Variants in GNPTAB observed in about 807,000 individuals in gnomAD.
GNPTAB encodes the protein N-acetylglucosamine-1-phosphate transferase subunits alpha and beta.
Under a neutral mutation model 136.6 loss-of-function variants are expected in GNPTAB, and 92 were observed. The observed-to-expected ratio is 0.67, with a 90% CI of 0.57 to 0.80. GNPTAB has a LOEUF of 0.80. Ranked by LOEUF, GNPTAB falls within the 30% of genes least tolerant of loss-of-function variation. GNPTAB has a pLI of 0.00. For synonymous variants in GNPTAB, 512 were observed against 535.1 expected, an observed-to-expected ratio of 0.96 and a Z score of 0.60; for missense variants, 1,343 against 1,501.8, an observed-to-expected ratio of 0.89 and a Z score of 1.75.
intron 17 of GNPTAB, 119 bp from the exon 18 acceptor site, chr12:101,757,429 A>C: frequency 1.3e-6 from 1 of 766,500 alleles, no homozygotes; most frequent in Admixed American, 2.3e-5. Flanking sequence ...AAATAACTTA[A>C]ACTTTTAATA....
At chr12:101,775,683 C>T (rs1208717513) in intron 7 of GNPTAB, among the ~76,000 whole-genome samples, 1 of 151,736 alleles carries the variant, frequency 6.6e-6, no homozygotes, top group African/African-American at 2.4e-5. Flanking sequence ...CTTAATACGT[C>T]CTGGTGGTTT....
intron 20 of GNPTAB, among the ~76,000 whole-genome samples, chr12:101,748,380 G>A (rs1054945875): frequency 6.6e-6 from 1 of 152,104 alleles, no homozygotes; most frequent in African/African-American, 2.4e-5. Context: ...ATTGGAGGCA[G>A]AGGCCAAGTC....
Position 101,788,514 on chromosome 12 carries a change from C to A in GNPTAB, c.365+34G>T, listed in dbSNP as rs781057572. ...TCTGAAATTTCACTTCAATCCTTCA[C>A]TTTTTACTCTTGAGAGGAAATCAAA... On this transcript the variant is annotated intron_variant, in intron 4 of 20. Transcript: ENST00000299314. 3.1e-6 allele frequency: 4 copies of A among 1,287,980 alleles called. No individual in the cohort carries two copies. The East Asian group carries it at 6.9e-5, about 22-fold the overall frequency. 79.8% of individuals were successfully genotyped at this position (1,287,980 alleles called of 1,614,324 possible). A position where few individuals can be genotyped will look rare whatever the true frequency, so the allele number is the denominator to read the frequency against.
intron 1 of GNPTAB, among the ~76,000 whole-genome samples, chr12:101,805,076 T>A (rs1423860045): frequency 1.4e-5 from 2 of 145,620 alleles, no homozygotes; most frequent in Non-Finnish European, 3.0e-5. Context: ...ATATATCATG[T>A]GAAAAAAAAA....
chr12:101,810,987 C>CTA (rs775939567), intron 1 of GNPTAB, among the ~76,000 whole-genome samples: 3 of 152,166 alleles, frequency 2.0e-5, no homozygotes, highest in Non-Finnish European at 4.4e-5. Context: ...AGTTCTGAGC[C>CTA]TACACCTCAG....
intron 1 of GNPTAB, among the ~76,000 whole-genome samples, chr12:101,809,906 A>C (rs1033302810): frequency 7.2e-5 from 11 of 152,352 alleles, no homozygotes; most frequent in Admixed American, 5.2e-4. Context: ...AGTGTAATCT[A>C]TGTACATTAG....
chr12:101,754,197 T>C (rs1952865603), intron 18 of GNPTAB, among the ~76,000 whole-genome samples: 1 of 151,976 alleles, frequency 6.6e-6, no homozygotes, highest in South Asian at 2.1e-4. Flanking sequence ...GAGATCAAGG[T>C]AGGCTGATTA....
At chr12:101,775,008 T>TA (rs1953240078) in intron 7 of GNPTAB, among the ~76,000 whole-genome samples, 1 of 152,168 alleles carries the variant, frequency 6.6e-6, no homozygotes, top group Non-Finnish European at 1.5e-5. Flanking sequence ...TATCTGCAAA[T>TA]ACTCCCGAAG....
At chr12:101,752,564 A>G (rs559404114) in intron 19 of GNPTAB, among the ~76,000 whole-genome samples, 2 of 152,298 alleles carry the variant, frequency 1.3e-5, no homozygotes, top group Admixed American at 1.3e-4. Context: ...CCAGGTTTAC[A>G]CTCCACTATT....
rs1041933737 is a variant in GNPTAB at position 101,822,358 on chromosome 12, G to A, written c.117+8201C>T. On this transcript the variant is annotated intron_variant, in intron 1 of 20. Coordinates refer to ENST00000299314, the MANE Select transcript of GNPTAB (RefSeq NM_024312.5). Reference sequence around the variant, plus strand: ...AACCCCGGGGGGCGGAGCCTGCAGTGAGCCGAGATCGCGCCACTGCACTCC... The same window carrying A: ...AACCCCGGGGGGCGGAGCCTGCAGTAAGCCGAGATCGCGCCACTGCACTCC... Among the ~76,000 whole-genome samples, 10 of 152,308 alleles carry A rather than the reference G, an allele frequency of 6.6e-5. No individual in the cohort carries two copies. The South Asian group carries it at 2.1e-3, about 32-fold the overall frequency.
chr12:101,818,451 C>T (rs1870621315), intron 1 of GNPTAB, among the ~76,000 whole-genome samples: 1 of 150,402 alleles, frequency 6.6e-6, no homozygotes. Context: ...GATCTCGGCT[C>T]ACCACAACCT....
chr12:101,797,049 G>C (rs184301344), intron 1 of GNPTAB, among the ~76,000 whole-genome samples: 1 of 152,108 alleles, frequency 6.6e-6, no homozygotes, highest in Non-Finnish European at 1.5e-5. Flanking sequence ...TGAAGAATGA[G>C]TTCACCAGGT....
At chr12:101,781,554 G>A (rs1252374274) in intron 5 of GNPTAB, among the ~76,000 whole-genome samples, 1 of 152,052 alleles carries the variant, frequency 6.6e-6, no homozygotes, top group Non-Finnish European at 1.5e-5. Flanking sequence ...GTGTGGTGGT[G>A]TGCACCTATA....
chr12:101,761,204 C>A lies in GNPTAB; in HGVS notation c.3058G>T (p.Asp1020Tyr), dbSNP rs779258493. The A allele has an allele frequency of 6.2e-7, 1 of 1,614,046 alleles. No homozygotes were observed. Among genetic ancestry groups the A allele is most frequent in the Non-Finnish European group, 8.5e-7 (1 of 1,179,890 alleles). Residue 1020 changes from aspartate to tyrosine, a missense_variant, in exon 15 of 21, where the codon GAT becomes TAT. Physicochemically the swap from Asp to Tyr is radical, Grantham distance 160 (BLOSUM62 -3). Coordinates refer to ENST00000299314, the MANE Select transcript of GNPTAB (RefSeq NM_024312.5). ...ISQVFDEVDTDQSGVLSDREI... is the reference protein window; with the variant it reads ...ISQVFDEVDTYQSGVLSDREI... ...CTGTCAGACAAGACACCAGATTGAT[C>A]TGTATCAACTTCATCAAAGACTTGA...
At chr12:101,749,501 T>C (rs1952784834) in intron 19 of GNPTAB, among the ~76,000 whole-genome samples, 1 of 152,242 alleles carries the variant, frequency 6.6e-6, no homozygotes, top group African/African-American at 2.4e-5. Flanking sequence ...ACTTATTTAT[T>C]CACTCAGTTT....
chr12:101,769,620 G>A (rs912443922), intron 10 of GNPTAB, among the ~76,000 whole-genome samples: 14 of 151,594 alleles, frequency 9.2e-5, no homozygotes, highest in Non-Finnish European at 1.8e-4. Context: ...TTCAAGATCC[G>A]GTTCTCACTC....
chr12:101,805,969 G>A (rs1040610314), intron 1 of GNPTAB, among the ~76,000 whole-genome samples: 2 of 152,018 alleles, frequency 1.3e-5, no homozygotes, highest in Non-Finnish European at 2.9e-5. Flanking sequence ...AGTAATTATG[G>A]TACATTCATA....
At chr12:101,759,825 C>A (rs1952965074) in intron 16 of GNPTAB, among the ~76,000 whole-genome samples, 1 of 152,182 alleles carries the variant, frequency 6.6e-6, no homozygotes, top group Admixed American at 6.5e-5. Flanking sequence ...AGCAACAAAT[C>A]CAAATTACGC....
Position 101,766,277 on chromosome 12 carries a change from G to A in GNPTAB, c.1426C>T (p.Arg476Cys). The change falls in exon 12 of 21, where the codon CGC becomes TGC. Residue 476 changes from arginine to cysteine, a missense_variant. By Grantham distance (180) the Arg-to-Cys change is radical. Coordinates refer to ENST00000299314, the MANE Select transcript of GNPTAB (RefSeq NM_024312.5). ...GDCSGNSGGS[R>C]YIAGGGGTGS... is the part of the protein sequence containing the mutation. The stretch of plus-strand genomic sequence containing the variant: ...GTACCTCCACCTCCTGCAATATAGC[G>A]ACTCCCTCCACTGTTTCCTGTAGAT... 1 of 1,613,624 alleles carries A rather than the reference G, an allele frequency of 6.2e-7. No individual in the cohort carries two copies. The highest frequency in any genetic ancestry group is 8.5e-7 in the Non-Finnish European group (1 of 1,179,670).
Sources: allele counts gnomAD v4.1 joint callset (sites outside exome capture counted in the v4.1 genomes callset), GRCh38; gene constraint gnomAD v4.1.1; transcripts MANE v1.5; gene names NCBI Gene and HGNC (gene_info 2026-07-23, HGNC 2026-07-21).